Variants in DOCK6 observed in about 807,000 individuals in gnomAD.
DOCK6 encodes dedicator of cytokinesis 6, also known as dedicator of cytokinesis protein 6.
Under a neutral mutation model 230.3 loss-of-function variants are expected in DOCK6, and 167 were observed. The observed-to-expected ratio is 0.73, with a 90% CI of 0.64 to 0.82. DOCK6 has a LOEUF of 0.82. DOCK6 is among the 40% of genes least tolerant of loss of function. The pLI, the probability that DOCK6 is intolerant of heterozygous loss-of-function variation, is 0.00. For synonymous variants in DOCK6, 1,148 were observed against 1,185.0 expected (o/e 0.97, Z 0.64); for missense variants, 2,598 against 2,825.8 (o/e 0.92, Z 1.83).
At chr19:11,248,760 G>A (rs1243778656) in intron 6 of DOCK6, among the ~76,000 whole-genome samples, 1 of 152,168 alleles carries the variant, frequency 6.6e-6, no homozygotes, top group African/African-American at 2.4e-5. Flanking sequence ...CTCCGCTAGT[G>A]AACTCTGAAG....
intron 17 of DOCK6, 27 bp downstream of exon 17, chr19:11,237,612 CAG>C (rs1568249277): frequency 3.0e-6 from 2 of 665,486 alleles, no homozygotes; most frequent in Non-Finnish European, 4.2e-6. Context: ...GAGGAGGGCT[CAG>C]GGGGAGGGAG....
intron 14 of DOCK6, chr19:11,240,216 C>T (rs780319178): frequency 1.2e-5 from 19 of 1,567,016 alleles, no homozygotes; most frequent in East Asian, 7.1e-5. Flanking sequence ...GAAGGTGCTA[C>T]GGGACAGCGT....
intron 31 of DOCK6, 109 bp from the exon 32 acceptor site, chr19:11,215,580 G>T (rs2079471575): frequency 1.5e-6 from 2 of 1,306,984 alleles, no homozygotes; most frequent in Non-Finnish European, 2.2e-6. Flanking sequence ...ACCCATGAGG[G>T]CACTGGGTGG....
chr19:11,209,890 C>T (rs2079341128), intron 37 of DOCK6, among the ~76,000 whole-genome samples: 1 of 124,560 alleles, frequency 8.0e-6, no homozygotes, highest in East Asian at 2.8e-4. Context: ...TGTCCACCCC[C>T]TCACCTGTCC....
At chr19:11,262,371 G>A in intron 1 of DOCK6, 26 bp downstream of exon 1, 1 of 1,261,930 alleles carries the variant, frequency 7.9e-7, no homozygotes, top group Middle Eastern at 3.0e-4. Flanking sequence ...TGGGGGAGGT[G>A]GGAGGGGGCC....
intron 14 of DOCK6, chr19:11,238,620 C>A: frequency 3.3e-6 from 1 of 302,322 alleles, no homozygotes; most frequent in Non-Finnish European, 6.4e-6. Flanking sequence ...AATAGCGAGG[C>A]ACTCAGGGCC....
At position 11,253,694 on chromosome 19, in the gene DOCK6, G is replaced by A; in HGVS notation, c.77C>T (p.Ser26Phe). Residue 26 changes from serine (S) to phenylalanine (F), a missense_variant, in exon 2 of 48, where the codon TCC becomes TTC. By Grantham distance (155) the Ser-to-Phe change is radical. Transcript: ENST00000294618. ...GTGGGGGGAGCCACTGCGTTCCCGG[G>A]ACACCTGCTTCCGCACCTCTGCGGC... ...TVAAEVRKQV[S>F]RERSGSPHSS... 2 of 1,472,386 alleles carry A rather than the reference G, an allele frequency of 1.4e-6. No individual in the cohort carries two copies. The highest frequency in any genetic ancestry group is 1.8e-6 in the Non-Finnish European group (2 of 1,119,490). The allele number at this position is 1,472,386 out of a possible 1,614,324, so 91.2% of individuals were successfully genotyped here. A position where few individuals can be genotyped will look rare whatever the true frequency, so the allele number is the denominator to read the frequency against.
intron 24 of DOCK6, among the ~76,000 whole-genome samples, chr19:11,224,921 A>G (rs6511728): frequency 0.33 from 49,684 of 151,890 alleles, 12,431 homozygotes; most frequent in African/African-American, 0.7. Flanking sequence ...AAAATTAGCC[A>G]GGGGTGGTGG....
chr19:11,229,175 G>T, intron 22 of DOCK6, 140 bp from the exon 23 acceptor site: 1 of 1,196,742 alleles, frequency 8.4e-7, no homozygotes, highest in Non-Finnish European at 1.1e-6. Context: ...GGGACAAGAG[G>T]AGTGGAAGTG....
intron 14 of DOCK6, chr19:11,240,410 T>C: frequency 1.9e-6 from 2 of 1,080,576 alleles, no homozygotes; most frequent in South Asian, 3.6e-5. Context: ...CTGTGGCCTC[T>C]ACCCTGCATG....
chr19:11,229,780 G>A (rs1247372315), intron 22 of DOCK6, among the ~76,000 whole-genome samples: 4 of 151,952 alleles, frequency 2.6e-5, no homozygotes, highest in Non-Finnish European at 5.9e-5. Flanking sequence ...AGCACTTTGG[G>A]AGGCTGGGGC....
chr19:11,227,633 C>T (rs138572354), intron 23 of DOCK6, among the ~76,000 whole-genome samples, 156 bp from the exon 24 acceptor site: 1 of 141,608 alleles, frequency 7.1e-6, no homozygotes, highest in South Asian at 2.2e-4. Context: ...ACAGGAGGGG[C>T]GGGGCTTTAT....
chr19:11,239,860 GA>G (rs778603181), intron 14 of DOCK6: 78 of 1,598,800 alleles, frequency 4.9e-5, no homozygotes, highest in East Asian at 3.8e-4. Flanking sequence ...CCGCACAATA[GA>G]ACTCCTGGGG....
chr19:11,229,092 T>C (rs2079721904), intron 22 of DOCK6, 57 bp from the exon 23 acceptor site: 1 of 1,520,304 alleles, frequency 6.6e-7, no homozygotes, highest in Admixed American at 1.8e-5. Context: ...CCGTACCCCC[T>C]CTGGAGACAT....
intron 21 of DOCK6, among the ~76,000 whole-genome samples, chr19:11,235,054 T>C (rs1195790275): frequency 6.6e-6 from 1 of 152,160 alleles, no homozygotes; most frequent in Non-Finnish European, 1.5e-5. Context: ...GTGATTCTTC[T>C]GCCTCAGCCT....
Position 11,222,436 on chromosome 19 carries a change from AC to A in DOCK6, c.3241-189del. On this transcript the variant is annotated intron_variant, in intron 26 of 47. Coordinates refer to ENST00000294618, the MANE Select transcript of DOCK6 (RefSeq NM_020812.4). This position sits in a 1 kb window ranked among gnomAD's most constrained non-coding sequence, Gnocchi z 4.0. ...GGCCAGAAGTGAGGGGCTGACGTTA[AC>A]CCATCTGTGATGTAACAGGGCACGG... 1 of 836,182 alleles carries A rather than the reference AC, an allele frequency of 1.2e-6. No individual in the cohort carries two copies. The highest frequency in any genetic ancestry group is 1.8e-6 in the Non-Finnish European group (1 of 551,392). The allele number at this position is 836,182 out of a possible 1,614,324, so 51.8% of individuals were successfully genotyped here. A position where few individuals can be genotyped will look rare whatever the true frequency, so the allele number is the denominator to read the frequency against.
At chr19:11,249,140 T>C (rs1224192115) in intron 6 of DOCK6, among the ~76,000 whole-genome samples, 1 of 152,194 alleles carries the variant, frequency 6.6e-6, no homozygotes, top group African/African-American at 2.4e-5. Flanking sequence ...AACTATACAG[T>C]AGGCATTCAT....
intron 18 of DOCK6, chr19:11,237,121 A>G: frequency 5.1e-6 from 3 of 590,718 alleles, no homozygotes; most frequent in Middle Eastern, 9.0e-4. Context: ...TTCATTGAGT[A>G]GGTCAGGAAA....
rs747309953 is a variant in DOCK6, at chr19:11,202,704, C to G, written c.5241G>C (p.Val1747=). Reference sequence around the variant, plus strand: ...AGCCCACGCGGAAATACGTCCCGAACACGCGCTGGGGCTGTGAGAAAGGGT... The same window carrying G: ...AGCCCACGCGGAAATACGTCCCGAAGACGCGCTGGGGCTGTGAGAAAGGGT... ...IMHQSSGWER[V]FGTYFRVGFY... Residue 1747 remains valine, a synonymous_variant, in exon 42 of 48, where the codon GTG becomes GTC. Coordinates refer to ENST00000294618, the MANE Select transcript of DOCK6 (RefSeq NM_020812.4). The surrounding 1 kb of genome is among the most constrained non-coding windows in gnomAD (Gnocchi z 5.3). 1.9e-6 allele frequency: 3 copies of G among 1,613,860 alleles called. No individual in the cohort carries two copies. Among genetic ancestry groups the G allele is most frequent in the Admixed American group, 3.3e-5 (2 of 60,028 alleles).
Sources: allele counts gnomAD v4.1 joint callset (sites outside exome capture counted in the v4.1 genomes callset), GRCh38; gene constraint gnomAD v4.1.1; non-coding constraint Gnocchi (gnomAD v3.1); transcripts MANE v1.5; gene names NCBI Gene and HGNC (gene_info 2026-07-23, HGNC 2026-07-21).